ERICH1: variants seen among roughly 807,000 people sequenced by gnomAD.
ERICH1 encodes glutamate rich 1, also known as glutamate-rich protein 1.
Under a neutral mutation model 39.6 loss-of-function variants are expected in ERICH1, and 56 were observed. The observed-to-expected ratio is 1.41, with a 90% CI of 1.14 to 1.77. ERICH1 has a LOEUF of 1.77. Ranked by LOEUF, ERICH1 falls within the 40% of genes most tolerant of loss-of-function variation. The pLI is 0.00. For missense variants in ERICH1, 826 were observed against 575.4 expected (o/e 1.44, Z -4.45); for synonymous variants, 313 against 223.6 (o/e 1.40, Z -3.57).
At chr8:616,428 C>T (rs527636278) in intron 3 of ERICH1, 66 of 427,488 alleles carry the variant, frequency 1.5e-4, no homozygotes, top group African/African-American at 1.3e-3. Flanking sequence ...GAACCCCGCA[C>T]ACCCCATGCT....
downstream of ERICH1, chr8:664,187 A>G: frequency 1.0e-6 from 1 of 963,520 alleles, no homozygotes; most frequent in Non-Finnish European, 1.2e-6. Context: ...AAAAAACTCA[A>G]CTATATTCAA....
chr8:673,588 T>C lies in ERICH1; in HGVS notation c.764A>G (p.Glu255Gly), dbSNP rs1470973818. Reference protein sequence around the residue: ...ARQEEGADASEEDPTPAGEED... With the variant: ...ARQEEGADASGEDPTPAGEED... Reference sequence around the variant, plus strand: ...CTCCCCGGCCGGTGTCGGATCTTCCTCACTGGCGTCCGCACCCTCTTCCTG... The same window carrying C: ...CTCCCCGGCCGGTGTCGGATCTTCCCCACTGGCGTCCGCACCCTCTTCCTG... The change falls in exon 4 of 6, where the codon GAG becomes GGG. Residue 255 changes from glutamate (E) to glycine (G), a missense_variant. Transcript: ENST00000262109. The C allele has an allele frequency of 6.4e-7, 1 of 1,553,612 alleles. No individual in the cohort carries two copies. Among genetic ancestry groups the C allele is most frequent in the East Asian group, 2.3e-5 (1 of 44,392 alleles).
chr8:700,585 C>T (rs1398499992), intron 2 of ERICH1, among the ~76,000 whole-genome samples: 5 of 152,024 alleles, frequency 3.3e-5, no homozygotes, highest in Admixed American at 3.3e-4. Flanking sequence ...CAGACCCGCA[C>T]ACATGCACAC....
chr8:667,362 C>T (rs555783137), intron 5 of ERICH1: 75 of 153,748 alleles, frequency 4.9e-4, no homozygotes, highest in Admixed American at 1.8e-3. Flanking sequence ...AGTTCCCAAA[C>T]ACATGGGTTC....
At chr8:618,493 C>T (rs993668886) in intron 3 of ERICH1, among the ~76,000 whole-genome samples, 15 of 152,196 alleles carry the variant, frequency 9.9e-5, no homozygotes, top group South Asian at 4.1e-4. Flanking sequence ...CCTCACTGCC[C>T]GGAGCAGTGC....
At chr8:688,608 G>C (rs1808197797) in intron 3 of ERICH1, among the ~76,000 whole-genome samples, 1 of 152,174 alleles carries the variant, frequency 6.6e-6, no homozygotes, top group Non-Finnish European at 1.5e-5. Flanking sequence ...TGATTACTCA[G>C]TGTACTTGCA....
intron 3 of ERICH1, among the ~76,000 whole-genome samples, chr8:629,867 G>C (rs1300158367): frequency 1.6e-5 from 2 of 127,700 alleles, no homozygotes; most frequent in Admixed American, 1.6e-4. Context: ...CACACAGACA[G>C]AGCTGACTCA....
At chr8:646,576 C>T (rs1799491264) in intron 3 of ERICH1, among the ~76,000 whole-genome samples, 1 of 68,776 alleles carries the variant, frequency 1.5e-5, no homozygotes, top group African/African-American at 3.7e-5. Context: ...AACTATATGC[C>T]GACAGCTCCA....
chr8:687,829 A>T (rs1048479283), intron 3 of ERICH1, among the ~76,000 whole-genome samples: 1 of 152,106 alleles, frequency 6.6e-6, no homozygotes, highest in African/African-American at 2.4e-5. Context: ...CGAGGCGCGG[A>T]GAGGCCCCGG....
At chr8:643,299 G>A (rs990454084) in intron 3 of ERICH1, among the ~76,000 whole-genome samples, 2 of 152,112 alleles carry the variant, frequency 1.3e-5, no homozygotes, top group South Asian at 2.1e-4. Context: ...GGCTGTGCTC[G>A]CAGGGACGGG....
chr8:726,403 G>C (rs1199449468), intron 1 of ERICH1, among the ~76,000 whole-genome samples: 1 of 151,600 alleles, frequency 6.6e-6, no homozygotes, highest in African/African-American at 2.4e-5. Flanking sequence ...AAAACACACA[G>C]ACACACATGT....
At chr8:721,929 C>T (rs1817419265) in intron 1 of ERICH1, among the ~76,000 whole-genome samples, 1 of 152,198 alleles carries the variant, frequency 6.6e-6, no homozygotes. Context: ...AGCCTCTTTT[C>T]TGTTTAATTC....
At chr8:616,375 C>T (rs17739184) in intron 3 of ERICH1, 186,483 of 353,588 alleles carry the variant, frequency 0.53, 52,650 homozygotes, top group East Asian at 0.88. Context: ...TGTGGGCGGC[C>T]GCCGTCCAGA....
At chr8:720,668 A>T (rs1251054036) in intron 1 of ERICH1, among the ~76,000 whole-genome samples, 1 of 152,202 alleles carries the variant, frequency 6.6e-6, no homozygotes, top group African/African-American at 2.4e-5. Context: ...TTTCAAATTC[A>T]AACTTGAGCA....
intron 2 of ERICH1, among the ~76,000 whole-genome samples, chr8:705,877 C>T (rs866901912): frequency 1.3e-5 from 2 of 152,134 alleles, no homozygotes; most frequent in African/African-American, 4.8e-5. Context: ...TAAGATAATG[C>T]GGACCCTGAA....
chr8:671,939 T>C, intron 4 of ERICH1: 1 of 159,446 alleles, frequency 6.3e-6, no homozygotes, highest in South Asian at 1.5e-4. Context: ...TGCTTTTGGT[T>C]TCTCAACCTG....
At chr8:656,837 AG>A (rs1800723893) in intron 3 of ERICH1, 3 of 985,348 alleles carry the variant, frequency 3.0e-6, no homozygotes, top group African/African-American at 3.5e-5. Context: ...GCCCCCGGGG[AG>A]CCCCCCAGCA....
intron 4 of ERICH1, chr8:672,249 G>A (rs1585176376): frequency 6.6e-6 from 1 of 152,238 alleles, no homozygotes; most frequent in African/African-American, 2.4e-5. Context: ...AGATCTTTCT[G>A]AATTCTGCGT....
intron 2 of ERICH1, among the ~76,000 whole-genome samples, chr8:702,309 A>G (rs930225075): frequency 2.0e-5 from 3 of 152,298 alleles, no homozygotes; most frequent in Middle Eastern, 3.4e-3. Flanking sequence ...AACACTCTGT[A>G]TTAACCGGGG....
Sources: allele counts gnomAD v4.1 joint callset (sites outside exome capture counted in the v4.1 genomes callset), GRCh38; gene constraint gnomAD v4.1.1; transcripts MANE v1.5; gene names NCBI Gene and HGNC (gene_info 2026-07-23, HGNC 2026-07-21).